ARID4B: variants seen among roughly 807,000 people sequenced by gnomAD.
The protein encoded by ARID4B is AT-rich interactive domain-containing protein 4B.
Under a neutral mutation model 147.5 loss-of-function variants are expected in ARID4B, and 26 were observed. That is an observed-to-expected ratio of 0.18 (90% confidence interval 0.13 to 0.24). The LOEUF is 0.24. ARID4B is among the 10% of genes least tolerant of loss of function. The pLI, the probability that ARID4B is intolerant of heterozygous loss-of-function variation, is 1.00. For synonymous variants in ARID4B, 512 were observed against 507.9 expected (o/e 1.01, Z -0.11); for missense variants, 1,179 against 1,511.5 (o/e 0.78, Z 3.65).
chr1:235,202,487 C>T (rs1666011334), intron 17 of ARID4B, among the ~76,000 whole-genome samples: 1 of 149,500 alleles, frequency 6.7e-6, no homozygotes, highest in South Asian at 2.2e-4. Context: ...GCATGATAAA[C>T]TCATTTAACT....
chr1:235,223,684 C>CGTTTTT (rs149769753), intron 12 of ARID4B, among the ~76,000 whole-genome samples: 1,496 of 116,942 alleles, frequency 0.013, 59 homozygotes, highest in South Asian at 0.063. Flanking sequence ...AGTAAAGCTA[C>CGTTTTT]ATTTTTTTTT....
At position 235,196,048 on chromosome 1, in the gene ARID4B, G is replaced by A. The variant is rs780677392; in HGVS notation, c.1909C>T (p.His637Tyr). ...PADKNVPKIK[H>Y]RKKIKNKLDK... ...GCACTTACCTTTATTTTCTTCCGAT[G>A]TTTTATCTTTGGCACATTTTTATCA... Residue 637 changes from histidine (H) to tyrosine (Y), a missense_variant, in exon 18 of 24, where the codon CAT becomes TAT. His to Tyr is a moderately conservative substitution (Grantham distance 83, BLOSUM62 2). Around this residue, in one of 10 missense-constraint regions of ARID4B, gnomAD observed 321 missense variants for 342.4 expected, o/e 0.94. Coordinates refer to ENST00000264183, the MANE Select transcript of ARID4B (RefSeq NM_016374.6). The A allele has an allele frequency of 6.3e-7, 1 of 1,598,530 alleles. No homozygotes were observed. The highest frequency in any genetic ancestry group is 8.5e-7 in the Non-Finnish European group (1 of 1,171,896).
intron 8 of ARID4B, among the ~76,000 whole-genome samples, chr1:235,235,388 G>C (rs780177520): frequency 5.3e-5 from 8 of 152,122 alleles, no homozygotes; most frequent in Non-Finnish European, 1.2e-4. Flanking sequence ...TAAATATTAG[G>C]GGTCTAAAAC....
At chr1:235,249,637 A>G (rs1669515937) in intron 6 of ARID4B, among the ~76,000 whole-genome samples, 1 of 151,516 alleles carries the variant, frequency 6.6e-6, no homozygotes, top group African/African-American at 2.4e-5. Flanking sequence ...CTACTAACAA[A>G]TATTTAAAAA....
intron 8 of ARID4B, among the ~76,000 whole-genome samples, chr1:235,236,865 T>C (rs1184026174): frequency 2.6e-5 from 1 of 37,926 alleles, no homozygotes; most frequent in Non-Finnish European, 4.7e-5. Context: ...TATATATATT[T>C]TTTTTTTTTT....
At position 235,221,063 on chromosome 1, in the gene ARID4B, A is replaced by G. The variant is rs1005848098; in HGVS notation, c.1163+502T>C. Among the ~76,000 whole-genome samples the G allele has an allele frequency of 1.6e-4, 25 of 152,246 alleles. 1 individual carries two copies. The South Asian group carries it at 1.9e-3, about 11-fold the overall frequency. ...CAGGCGTTAGCCACTATGCTCAGGT[A>G]ATTTTTGTATTTTTAGTGGAGACAA... On this transcript the variant is annotated intron_variant, in intron 14 of 23. Coordinates refer to ENST00000264183, the MANE Select transcript of ARID4B (RefSeq NM_016374.6).
At chr1:235,322,994 A>C (rs898881435) in intron 2 of ARID4B, among the ~76,000 whole-genome samples, 7 of 152,098 alleles carry the variant, frequency 4.6e-5, no homozygotes, top group Non-Finnish European at 8.8e-5. Context: ...AAGAAAGAAA[A>C]GTACATCTGG....
intron 17 of ARID4B, among the ~76,000 whole-genome samples, chr1:235,197,620 G>A (rs1665592751): frequency 6.6e-6 from 1 of 152,182 alleles, no homozygotes; most frequent in Non-Finnish European, 1.5e-5. Context: ...CTGCTTCCTA[G>A]TTATGTGGTC....
At chr1:235,284,560 T>C (rs1671855836) in intron 2 of ARID4B, among the ~76,000 whole-genome samples, 2 of 152,190 alleles carry the variant, frequency 1.3e-5, no homozygotes, top group Admixed American at 6.5e-5. Context: ...CAGTGGCTCA[T>C]GGCTATAATC....
In ARID4B at chr1:235,173,213, G is replaced by A. The variant is rs564388939; in HGVS notation, c.3665-449C>T. Among the ~76,000 whole-genome samples the A allele has an allele frequency of 1.1e-4, 16 of 152,186 alleles. No individual in the cohort carries two copies. In the East Asian group the frequency reaches 2.9e-3, roughly 28 times the overall value. Reference sequence around the variant, plus strand: ...ACAAAAATTAGCTGGGCATGGTGGCGGGTGCCTGCAATCCCAGCTACTCGG... The same window carrying A: ...ACAAAAATTAGCTGGGCATGGTGGCAGGTGCCTGCAATCCCAGCTACTCGG... On this transcript the variant is annotated intron_variant, in intron 22 of 23. Coordinates refer to ENST00000264183, the MANE Select transcript of ARID4B (RefSeq NM_016374.6).
At chr1:235,223,353 TTA>T (rs773596483) in intron 12 of ARID4B, 93 bp from the exon 13 acceptor site, 28 of 256,540 alleles carry the variant, frequency 1.1e-4, no homozygotes, top group East Asian at 1.5e-4. Context: ...TTATAGTATT[TTA>T]TATATATATA....
At chr1:235,212,912 T>C (rs1666798376) in intron 17 of ARID4B, among the ~76,000 whole-genome samples, 1 of 152,166 alleles carries the variant, frequency 6.6e-6, no homozygotes, top group Non-Finnish European at 1.5e-5. Context: ...AGACACTAGG[T>C]ACACCATGAA....
chr1:235,267,853 G>A (rs1414517918), intron 2 of ARID4B, among the ~76,000 whole-genome samples: 2 of 151,796 alleles, frequency 1.3e-5, no homozygotes, highest in Admixed American at 6.6e-5. Flanking sequence ...GCAGTGAGCC[G>A]AGATCGAGTC....
In ARID4B at chr1:235,226,976, T is replaced by C. The variant is rs116793698; in HGVS notation, c.898-2201A>G. 3.8e-3 allele frequency among the ~76,000 whole-genome samples: 576 copies of C among 152,204 alleles called. 4 individuals are homozygous for C. The highest frequency in any genetic ancestry group is 0.013 in the African/African-American group (548 of 41,532). ...GACCCACCGTGCCTGCCAGGAGCAG[T>C]AGTAGTTTAGACTAGCAAATGAACT... On this transcript the variant is annotated intron_variant, in intron 11 of 23. Transcript: ENST00000264183.
At position 235,181,600 on chromosome 1, in the gene ARID4B, C is replaced by G; in HGVS notation, c.3319G>C (p.Glu1107Gln). 1 of 1,612,068 alleles carries G rather than the reference C, an allele frequency of 6.2e-7. No homozygotes were observed. Reference sequence around the variant, plus strand: ...TCCTTCTCACCTTTTTCAGGATGTTCTGGTTCTGGCTGATTACTACTGCTT... The same window carrying G: ...TCCTTCTCACCTTTTTCAGGATGTTGTGGTTCTGGCTGATTACTACTGCTT... ...SSSSSNQPEP[E>Q]HPEKACTGQK... Residue 1107 changes from glutamate to glutamine, a missense_variant, in exon 20 of 24, where the codon GAA becomes CAA. Coordinates refer to ENST00000264183, the MANE Select transcript of ARID4B (RefSeq NM_016374.6).
intron 2 of ARID4B, among the ~76,000 whole-genome samples, chr1:235,263,581 T>A (rs1386648530): frequency 6.6e-6 from 1 of 152,210 alleles, no homozygotes; most frequent in African/African-American, 2.4e-5. Flanking sequence ...TATTTATTAC[T>A]TCAAATTATT....
chr1:235,293,231 T>A (rs574801081), intron 2 of ARID4B, among the ~76,000 whole-genome samples: 2 of 152,280 alleles, frequency 1.3e-5, no homozygotes, highest in East Asian at 3.9e-4. Flanking sequence ...GCCAAAAAAA[T>A]ATATGCTACT....
chr1:235,255,220 T>TATATATATATATATATAGAGAGAGAG (rs1264196304), intron 5 of ARID4B, among the ~76,000 whole-genome samples: 27 of 62,388 alleles, frequency 4.3e-4, no homozygotes, highest in South Asian at 1.9e-3. Flanking sequence ...TGCTGGGAGC[T>TATATATATATATATATAGAGAGAGAG]AGATAGATAG....
chr1:235,190,610 G>A (rs1183481168), intron 19 of ARID4B, among the ~76,000 whole-genome samples: 1 of 152,014 alleles, frequency 6.6e-6, no homozygotes, highest in African/African-American at 2.4e-5. Flanking sequence ...AAATACTGAA[G>A]GAAAAACTTC....
Sources: allele counts gnomAD v4.1 joint callset (sites outside exome capture counted in the v4.1 genomes callset), GRCh38; gene constraint gnomAD v4.1.1; regional missense constraint gnomAD v4.1.1; transcripts MANE v1.5; gene names NCBI Gene and HGNC (gene_info 2026-07-23, HGNC 2026-07-21).